PLCE1: variants seen among roughly 807,000 people sequenced by gnomAD.
PLCE1 encodes phospholipase C epsilon 1.
A neutral mutation model predicts 242.8 loss-of-function variants in PLCE1; 119 were observed. That is an observed-to-expected ratio of 0.49 (90% CI 0.42 to 0.57). PLCE1 has a LOEUF of 0.57. Among genes scored for constraint, PLCE1 ranks in the 20% least tolerant of loss-of-function variants. The probability of loss-of-function intolerance (pLI) is 0.00; values close to 1 mark genes in which losing one functional copy is unlikely to be tolerated. For synonymous variants in PLCE1, 945 were observed against 1,017.4 expected, an observed-to-expected ratio of 0.93 and a Z score of 1.35; for missense variants, 2,441 against 2,788.8, an observed-to-expected ratio of 0.88 and a Z score of 2.81.
At chr10:94,223,678 C>A (rs4564256) in intron 4 of PLCE1, among the ~76,000 whole-genome samples, 2 of 151,910 alleles carry the variant, frequency 1.3e-5, no homozygotes, top group Non-Finnish European at 2.9e-5. Context: ...AAGCCCAGAA[C>A]CTTCTGGGAG....
At chr10:94,073,155 C>G (rs1301991920) in intron 2 of PLCE1, among the ~76,000 whole-genome samples, 1 of 151,762 alleles carries the variant, frequency 6.6e-6, no homozygotes, top group Non-Finnish European at 1.5e-5. Flanking sequence ...GCTCCCCCCA[C>G]CACCCCACCC....
chr10:94,284,812 C>A (rs757057037), intron 21 of PLCE1, 36 bp from the exon 22 acceptor site: 5 of 1,120,662 alleles, frequency 4.5e-6, no homozygotes, highest in Non-Finnish European at 6.9e-6. Context: ...TAGCATATAC[C>A]TTCCATGTAA....
chr10:94,192,403 C>G (rs756349191), intron 4 of PLCE1, among the ~76,000 whole-genome samples: 1 of 152,162 alleles, frequency 6.6e-6, no homozygotes, highest in Non-Finnish European at 1.5e-5. Context: ...TCCATGTGTA[C>G]CCAGTGTTTA....
chr10:94,122,584 G>A (rs948737157), intron 2 of PLCE1, among the ~76,000 whole-genome samples: 1 of 152,154 alleles, frequency 6.6e-6, no homozygotes, highest in African/African-American at 2.4e-5. Context: ...GTTGAGTTTT[G>A]CCCTGTACTG....
chr10:94,182,482 C>G (rs2048346105), intron 4 of PLCE1, among the ~76,000 whole-genome samples: 2 of 151,024 alleles, frequency 1.3e-5, no homozygotes, highest in Non-Finnish European at 2.9e-5. Context: ...GTTGGCCAGG[C>G]TGGCCTCAAA....
intron 1 of PLCE1, among the ~76,000 whole-genome samples, chr10:94,005,280 C>T (rs1196924671): frequency 6.6e-6 from 1 of 152,136 alleles, no homozygotes; most frequent in Non-Finnish European, 1.5e-5. Context: ...GGAGGATGCC[C>T]AGGACATTGG....
chr10:94,083,764 G>A (rs1342705187), intron 2 of PLCE1, among the ~76,000 whole-genome samples: 2 of 152,162 alleles, frequency 1.3e-5, no homozygotes, highest in Non-Finnish European at 2.9e-5. Context: ...AGAACTTCAG[G>A]ATAACCAAGT....
At chr10:94,205,741 A>T (rs1279514142) in intron 4 of PLCE1, among the ~76,000 whole-genome samples, 1 of 152,248 alleles carries the variant, frequency 6.6e-6, no homozygotes, top group East Asian at 1.9e-4. Flanking sequence ...TCATCTGTCA[A>T]CTAGAATTAT....
intron 2 of PLCE1, chr10:94,104,623 C>A (rs1426084777): frequency 6.6e-6 from 1 of 152,102 alleles, no homozygotes; most frequent in African/African-American, 2.4e-5. Context: ...GGATTTATTT[C>A]TTTTGATCTT....
intron 4 of PLCE1, among the ~76,000 whole-genome samples, chr10:94,194,527 G>T (rs1041632893): frequency 6.6e-6 from 1 of 152,164 alleles, no homozygotes; most frequent in Admixed American, 6.5e-5. Context: ...ACAGGAAGAG[G>T]CAAAGACTCT....
Position 94,298,203 on chromosome 10 carries a change from C to T in PLCE1, c.5168-176C>T, listed in dbSNP as rs1483274599. 2.0e-5 allele frequency among the ~76,000 whole-genome samples: 3 copies of T among 152,120 alleles called. No individual in the cohort carries two copies. Among genetic ancestry groups the T allele is most frequent in the African/African-American group, 7.2e-5 (3 of 41,430 alleles). On this transcript the variant is annotated intron_variant, in intron 23 of 32. Transcript: ENST00000371380. This position sits in a 1 kb window ranked among gnomAD's most constrained non-coding sequence, Gnocchi z 5.2. ...CCCAGCCACCACACTCATTTTAAAA[C>T]TAAGTAGCCACCATGTTGTTTTAAA...
At chr10:94,184,491 A>G (rs1228839038) in intron 4 of PLCE1, among the ~76,000 whole-genome samples, 1 of 152,040 alleles carries the variant, frequency 6.6e-6, no homozygotes, top group African/African-American at 2.4e-5. Flanking sequence ...CACCATGCCC[A>G]GCTAATTTTT....
At chr10:94,238,252 C>A (rs1242433142) in intron 7 of PLCE1, among the ~76,000 whole-genome samples, 1 of 152,206 alleles carries the variant, frequency 6.6e-6, no homozygotes, top group Non-Finnish European at 1.5e-5. Flanking sequence ...GAAACCTTGT[C>A]TCTACAACAA....
At chr10:94,046,704 A>G (rs1589911954) in intron 2 of PLCE1, among the ~76,000 whole-genome samples, 6 of 152,214 alleles carry the variant, frequency 3.9e-5, no homozygotes, top group Admixed American at 3.9e-4. Flanking sequence ...AGGCTCCATA[A>G]TGATTAAAGG....
chr10:94,182,949 G>A (rs2048358107), intron 4 of PLCE1, among the ~76,000 whole-genome samples: 1 of 152,200 alleles, frequency 6.6e-6, no homozygotes, highest in East Asian at 1.9e-4. Context: ...TATGTGAGCA[G>A]TGTTATTACT....
At chr10:94,296,320 C>T (rs1376410735) in intron 23 of PLCE1, among the ~76,000 whole-genome samples, 1 of 148,934 alleles carries the variant, frequency 6.7e-6, no homozygotes, top group Admixed American at 6.7e-5. Context: ...GAGCCAAGAT[C>T]GCACCACTGC....
intron 2 of PLCE1, among the ~76,000 whole-genome samples, chr10:94,049,357 C>T (rs900171927): frequency 6.6e-6 from 1 of 152,136 alleles, no homozygotes; most frequent in South Asian, 2.1e-4. Context: ...GTGACGTAGG[C>T]AGGAATCCAT....
chr10:94,235,272 G>A (rs796211381), intron 6 of PLCE1, among the ~76,000 whole-genome samples: 5 of 152,162 alleles, frequency 3.3e-5, no homozygotes, highest in African/African-American at 1.2e-4. Flanking sequence ...GGATAAAAGG[G>A]CAAGAAATGG....
At chr10:94,290,712 T>TAC (rs1564867116) in intron 22 of PLCE1, among the ~76,000 whole-genome samples, 2 of 151,708 alleles carry the variant, frequency 1.3e-5, no homozygotes, top group African/African-American at 4.8e-5. Context: ...TATATATATA[T>TAC]ACACACACAC....
Sources: gnomAD v4.1 joint callset for allele counts (sites outside exome capture counted in the v4.1 genomes callset) on GRCh38, gnomAD v4.1.1 for gene constraint, Gnocchi (gnomAD v3.1) non-coding constraint, MANE v1.5 for transcripts, NCBI Gene and HGNC (gene_info 2026-07-23, HGNC 2026-07-21) for gene names.